Variants in DSCAM observed in about 807,000 individuals in gnomAD.
DSCAM encodes the protein DS cell adhesion molecule, also known as cell adhesion molecule DSCAM.
A neutral mutation model predicts 217.7 loss-of-function variants in DSCAM; 47 were observed. The ratio of observed to expected loss-of-function variants is 0.22; its 90% CI spans 0.17 to 0.28. The LOEUF (loss-of-function observed/expected upper bound fraction) is 0.28, where lower values mean the gene tolerates loss of function less well. Ranked by LOEUF, DSCAM falls within the 10% of genes least tolerant of loss-of-function variation. DSCAM has a pLI of 1.00. For missense variants in DSCAM, 2,080 were observed against 2,618.3 expected, an observed-to-expected ratio of 0.79 and a Z score of 4.49; for synonymous variants, 1,056 against 1,015.3, an observed-to-expected ratio of 1.04 and a Z score of -0.76.
chr21:40,252,671 G>C (rs7283567), intron 11 of DSCAM, among the ~76,000 whole-genome samples: 1 of 152,020 alleles, frequency 6.6e-6, no homozygotes, highest in East Asian at 1.9e-4. Flanking sequence ...AGTTTTGATA[G>C]GGACTTTTTA....
rs991164431 is a variant in DSCAM, at chr21:40,611,082, G to A, written c.508+81728C>T. 7.7e-5 allele frequency among the ~76,000 whole-genome samples: 7 copies of A among 90,980 alleles called. No individual in the cohort carries two copies. In the Admixed American group the frequency reaches 7.8e-4, roughly 10 times the overall value. 59.7% of individuals were successfully genotyped at this position (90,980 alleles called of 152,430 possible). ...ATTTTTTTTTTTTTTTTTTTGGGAT[G>A]GAGACTCACCGTGTCGTCCAGGCTG... On this transcript the variant is annotated intron_variant, in intron 3 of 32. Transcript: ENST00000400454.
intron 1 of DSCAM, among the ~76,000 whole-genome samples, chr21:40,747,606 T>C (rs997333645): frequency 6.6e-6 from 1 of 151,886 alleles, no homozygotes; most frequent in Non-Finnish European, 1.5e-5. Flanking sequence ...ATGGTATCAC[T>C]GATAAATTCT....
intron 14 of DSCAM, among the ~76,000 whole-genome samples, chr21:40,182,394 C>T (rs1267117349): frequency 6.6e-6 from 1 of 151,948 alleles, no homozygotes; most frequent in African/African-American, 2.4e-5. Flanking sequence ...TCTGTGTTTC[C>T]TGGTTACCTT....
At chr21:40,533,595 ACCTGTCTGTCC>A (rs2076469728) in intron 3 of DSCAM, among the ~76,000 whole-genome samples, 3 of 140,474 alleles carry the variant, frequency 2.1e-5, no homozygotes, top group African/African-American at 8.4e-5. Flanking sequence ...CCATCCATCC[ACCTGTCTGTCC>A]ATCCATCCAT....
intron 15 of DSCAM, among the ~76,000 whole-genome samples, chr21:40,168,039 C>T (rs914192960): frequency 6.6e-6 from 1 of 152,066 alleles, no homozygotes; most frequent in African/African-American, 2.4e-5. Context: ...CCAGCCTGGG[C>T]GACAGAGTGA....
At chr21:40,773,710 G>A (rs1358377897) in intron 1 of DSCAM, among the ~76,000 whole-genome samples, 2 of 152,196 alleles carry the variant, frequency 1.3e-5, no homozygotes, top group East Asian at 3.9e-4. Context: ...GCCATAGAAA[G>A]GCATTTGGGC....
chr21:40,287,142 CATGATCCACAGT>C (rs1038136978), intron 10 of DSCAM, among the ~76,000 whole-genome samples: 4 of 139,790 alleles, frequency 2.9e-5, no homozygotes, highest in African/African-American at 1.3e-4. Context: ...TGATCTGCAG[CATGATCCACAGT>C]GTGATCCACA....
intron 1 of DSCAM, among the ~76,000 whole-genome samples, chr21:40,789,123 A>G (rs897276945): frequency 6.6e-6 from 1 of 152,190 alleles, no homozygotes; most frequent in African/African-American, 2.4e-5. Flanking sequence ...GAGAATCAGA[A>G]TATTGCATAC....
chr21:40,723,290 C>T (rs1456098709), intron 1 of DSCAM, among the ~76,000 whole-genome samples: 4 of 152,184 alleles, frequency 2.6e-5, no homozygotes, highest in East Asian at 1.9e-4. Context: ...CCTTCCAACT[C>T]GGGGTCTGTG....
intron 1 of DSCAM, among the ~76,000 whole-genome samples, chr21:40,795,533 T>C (rs536348818): frequency 6.6e-6 from 1 of 152,334 alleles, no homozygotes; most frequent in East Asian, 1.9e-4. Context: ...TGAGGGCGTC[T>C]ATGAAGAGTG....
intron 10 of DSCAM, among the ~76,000 whole-genome samples, chr21:40,290,321 T>C (rs2073875738): frequency 6.6e-6 from 1 of 152,102 alleles, no homozygotes; most frequent in Non-Finnish European, 1.5e-5. Flanking sequence ...AATTATAGAC[T>C]AAAAATTTAC....
At chr21:40,550,460 G>T (rs1405342129) in intron 3 of DSCAM, among the ~76,000 whole-genome samples, 1 of 152,108 alleles carries the variant, frequency 6.6e-6, no homozygotes, top group Non-Finnish European at 1.5e-5. Flanking sequence ...GGGAGGCAGG[G>T]GCTGCAGTGA....
intron 3 of DSCAM, among the ~76,000 whole-genome samples, chr21:40,651,005 C>T (rs1317906896): frequency 6.6e-6 from 1 of 152,066 alleles, no homozygotes; most frequent in South Asian, 2.1e-4. Flanking sequence ...GGGGAGGGTT[C>T]CTAAAGGTTG....
At chr21:40,557,933 C>T (rs11088522) in intron 3 of DSCAM, among the ~76,000 whole-genome samples, 70,278 of 152,044 alleles carry the variant, frequency 0.46, 17,221 homozygotes, top group Admixed American at 0.55. Context: ...TTGCTACAAA[C>T]GTTAGCAATA....
chr21:40,795,757 A>G (rs910906816), intron 1 of DSCAM, among the ~76,000 whole-genome samples: 3 of 152,230 alleles, frequency 2.0e-5, no homozygotes, highest in African/African-American at 7.2e-5. Context: ...GAAGAAGTCA[A>G]TCGTTGTCTA....
intron 16 of DSCAM, among the ~76,000 whole-genome samples, chr21:40,166,565 C>CT (rs954141034): frequency 2.6e-5 from 4 of 152,192 alleles, no homozygotes; most frequent in African/African-American, 9.7e-5. Context: ...AGAAAATTTG[C>CT]TATGGAAACC....
intron 3 of DSCAM, among the ~76,000 whole-genome samples, chr21:40,642,044 A>G (rs1265047034): frequency 8.4e-6 from 1 of 119,176 alleles, no homozygotes; most frequent in East Asian, 2.4e-4. Flanking sequence ...CTCTGTCTCA[A>G]AAAAAAAAAA....
intron 26 of DSCAM, among the ~76,000 whole-genome samples, chr21:40,077,153 A>C (rs1433060827): frequency 2.6e-5 from 4 of 152,288 alleles, no homozygotes; most frequent in Middle Eastern, 3.4e-3. Flanking sequence ...GGCATAGGCT[A>C]TTCTGGGGCC....
At chr21:40,571,079 T>A (rs1250040922) in intron 3 of DSCAM, among the ~76,000 whole-genome samples, 1 of 151,596 alleles carries the variant, frequency 6.6e-6, no homozygotes, top group African/African-American at 2.4e-5. Context: ...ACATCAGAGG[T>A]GAACCTTAAA....
Sources: allele counts gnomAD v4.1 joint callset (sites outside exome capture counted in the v4.1 genomes callset), GRCh38; gene constraint gnomAD v4.1.1; transcripts MANE v1.5; gene names NCBI Gene and HGNC (gene_info 2026-07-23, HGNC 2026-07-21).